STXBP2: variants seen among roughly 807,000 people sequenced by gnomAD.
STXBP2 encodes the protein syntaxin-binding protein 2.
A neutral mutation model predicts 72.2 loss-of-function variants in STXBP2; 47 were observed. The observed-to-expected ratio is 0.65, with a 90% confidence interval of 0.51 to 0.83. The LOEUF is 0.83. STXBP2 is among the 40% of genes least tolerant of loss of function. The pLI is 0.00. For missense variants in STXBP2, 702 were observed against 807.6 expected (o/e 0.87, Z 1.58); for synonymous variants, 367 against 338.7 (o/e 1.08, Z -0.92).
intron 13 of STXBP2, chr19:7,644,275 A>C: frequency 3.6e-6 from 1 of 274,652 alleles, no homozygotes; most frequent in Non-Finnish European, 6.5e-6. Flanking sequence ...GACCTGGGTG[A>C]GGGGTGGAGC....
At chr19:7,646,611 C>T (rs72994460) in intron 16 of STXBP2, 21,918 of 542,464 alleles carry the variant, frequency 0.04, 618 homozygotes, top group Non-Finnish European at 0.057. Flanking sequence ...TCCCCTGTCC[C>T]GCAGGAGTGC....
At chr19:7,646,688 G>C (rs558557365) in intron 16 of STXBP2, 247 of 423,496 alleles carry the variant, frequency 5.8e-4, no homozygotes, top group African/African-American at 3.8e-3. Context: ...ATGGGCCTGG[G>C]GCGGCTTCCT....
intron 4 of STXBP2, 192 bp from the exon 5 acceptor site, chr19:7,640,539 T>C (rs541857019): frequency 2.8e-4 from 200 of 710,910 alleles, no homozygotes; most frequent in Non-Finnish European, 4.4e-4. Context: ...TGTATGTGTG[T>C]GTGCGTGCGT....
Position 7,640,429 on chromosome 19 carries a change from T to A in STXBP2, c.247-302T>A, listed in dbSNP as rs564306990. 4.0e-4 allele frequency: 254 copies of A among 636,722 alleles called. No homozygotes were observed. The African/African-American group carries it at 4.4e-3, about 11-fold the overall frequency. The allele number at this position is 636,722 out of a possible 1,614,324, so 39.4% of individuals were successfully genotyped here. On this transcript the variant is annotated intron_variant, in intron 4 of 18. Coordinates refer to ENST00000221283, the MANE Select transcript of STXBP2 (RefSeq NM_006949.4). ...GTGTGTATGTATGTGTGCGCGCGCA[T>A]CTGTGTGTGTGCATGTGTGTATGTA...
At chr19:7,646,453 G>T (rs758955616) in intron 16 of STXBP2, 109 bp downstream of exon 16, 2 of 1,052,886 alleles carry the variant, frequency 1.9e-6, no homozygotes, top group Non-Finnish European at 2.9e-6. Flanking sequence ...AATGCTCATT[G>T]CTGGCATTCC....
At chr19:7,638,101 G>C (rs1478317451) in intron 1 of STXBP2, among the ~76,000 whole-genome samples, 1 of 152,212 alleles carries the variant, frequency 6.6e-6, no homozygotes, top group Non-Finnish European at 1.5e-5. Context: ...CCGAGAGCCT[G>C]GCGCTAGAGG....
At chr19:7,641,583 C>A (rs1426629797) in intron 6 of STXBP2, 122 bp from the exon 7 acceptor site, 1 of 1,373,898 alleles carries the variant, frequency 7.3e-7, no homozygotes, top group African/African-American at 1.4e-5. Context: ...GCCTCCAATT[C>A]GGCAAAGCAG....
At chr19:7,641,037 G>T in intron 6 of STXBP2, 34 bp downstream of exon 6, 1 of 1,609,472 alleles carries the variant, frequency 6.2e-7, no homozygotes. Context: ...CAGGGGGTGG[G>T]GGTTTGTGAC....
chr19:7,640,199 C>T (rs570779882), intron 4 of STXBP2: 73 of 444,126 alleles, frequency 1.6e-4, no homozygotes, highest in African/African-American at 6.8e-4. Flanking sequence ...TGTGTGTATG[C>T]GTGTGTATGT....
rs751879629 is a variant in STXBP2, at chr19:7,640,982, C to G, written c.408C>G (p.Ala136=). The change falls in exon 6 of 19, where the codon GCC becomes GCG. Residue 136 remains alanine, a synonymous_variant. Coordinates refer to ENST00000221283, the MANE Select transcript of STXBP2 (RefSeq NM_006949.4). ...AGACGTTGAAGGAGATTCACCTTGCCTTCCTCCCCTACGAGGCCCAGGTAC... is the reference window on the plus strand; with the variant it reads ...AGACGTTGAAGGAGATTCACCTTGCGTTCCTCCCCTACGAGGCCCAGGTAC... ...VVKTLKEIHL[A]FLPYEAQVFS... is the part of the protein sequence containing the mutation. 2.5e-6 allele frequency: 4 copies of G among 1,614,186 alleles called. No homozygotes were observed. The Admixed American group carries it at 6.7e-5, about 27-fold the overall frequency.
upstream of STXBP2, chr19:7,632,836 G>A: frequency 1.3e-6 from 2 of 1,546,462 alleles, no homozygotes; most frequent in Non-Finnish European, 1.7e-6. This position sits in a 1 kb window ranked among gnomAD's most constrained non-coding sequence, Gnocchi z 5.2. Context: ...CCCGCCTGGG[G>A]ACAGACTCGC....
chr19:7,642,830 G>T lies in STXBP2; in HGVS notation c.960+7G>T. ...GAGGCTGACCACGGACAAGGTAGGG[G>T]CGGACCCAGGTCACCAAAGGCGCTG... On this transcript the variant is annotated splice_region_variant and intron_variant, in intron 11 of 18. Transcript: ENST00000221283. This position sits in a 1 kb window ranked among gnomAD's most constrained non-coding sequence, Gnocchi z 6.0. The T allele has an allele frequency of 2.5e-6, 4 of 1,614,130 alleles. No individual in the cohort carries two copies. Among genetic ancestry groups the T allele is most frequent in the Non-Finnish European group, 3.4e-6 (4 of 1,180,020 alleles).
intron 15 of STXBP2, among the ~76,000 whole-genome samples, chr19:7,645,687 C>T (rs1019431078): frequency 2.6e-5 from 4 of 152,060 alleles, no homozygotes; most frequent in African/African-American, 2.4e-5. Context: ...AGCACCCACA[C>T]ACAGCCATGT....
chr19:7,638,986 C>T, intron 2 of STXBP2, 33 bp from the exon 3 acceptor site: 1 of 1,613,058 alleles, frequency 6.2e-7, no homozygotes, highest in Non-Finnish European at 8.5e-7. Context: ...CTTCCGCCTG[C>T]TCCTCCATCC....
intron 13 of STXBP2, chr19:7,644,210 T>G (rs55959839): frequency 0.12 from 4,568 of 38,056 alleles, 230 homozygotes; most frequent in African/African-American, 0.24. Context: ...CTGGGTGAGG[T>G]GTGGAACCTC....
At chr19:7,646,909 A>G (rs941745382) in intron 16 of STXBP2, 4 of 572,284 alleles carry the variant, frequency 7.0e-6, no homozygotes, top group African/African-American at 1.9e-5. Context: ...TTGCCGAGGA[A>G]CTGTGGGTTT....
intron 15 of STXBP2, 170 bp from the exon 16 acceptor site, chr19:7,646,079 C>G (rs2032123901): frequency 1.4e-5 from 9 of 625,780 alleles, no homozygotes; most frequent in Non-Finnish European, 2.3e-5. Context: ...CTCTGGCTCA[C>G]TGTTTCTCTC....
chr19:7,632,351 G>T, upstream of STXBP2: 1 of 1,610,738 alleles, frequency 6.2e-7, no homozygotes. The surrounding 1 kb of genome is among the most constrained non-coding windows in gnomAD (Gnocchi z 5.2). Context: ...GGAGAGCACT[G>T]CCTGGCGGGT....
chr19:7,642,249 C>T lies in STXBP2; in HGVS notation c.710C>T (p.Ala237Val). 1 of 1,614,182 alleles carries T rather than the reference C, an allele frequency of 6.2e-7. No homozygotes were observed. ...CAGCTGCTGATAATGGACCGGGCAG[C>T]TGACCCCGTGTCCCCACTACTGCAT... ...RSQLLIMDRA[A>V]DPVSPLLHEL... The change falls in exon 9 of 19, where the codon GCT (alanine) becomes GTT (valine). Residue 237 changes from alanine (A) to valine (V), a missense_variant. Physicochemically the swap from Ala to Val is moderately conservative, Grantham distance 64. Transcript: ENST00000221283. This position sits in a 1 kb window ranked among gnomAD's most constrained non-coding sequence, Gnocchi z 6.0.
Sources: allele counts gnomAD v4.1 joint callset (sites outside exome capture counted in the v4.1 genomes callset), GRCh38; gene constraint gnomAD v4.1.1; non-coding constraint Gnocchi (gnomAD v3.1); transcripts MANE v1.5; gene names NCBI Gene and HGNC (gene_info 2026-07-23, HGNC 2026-07-21).